Variants in GSG1L observed in about 807,000 individuals in gnomAD.
GSG1L encodes the protein germ cell-specific gene 1-like protein.
GSG1L carries 24 observed loss-of-function variants against 42.1 expected under a neutral mutation model. The observed-to-expected ratio is 0.57, with a 90% confidence interval of 0.41 to 0.80. GSG1L has a LOEUF of 0.80. Among genes scored for constraint, GSG1L ranks in the 30% least tolerant of loss-of-function variants. The pLI, the probability that GSG1L is intolerant of heterozygous loss-of-function variation, is 0.00. For missense variants in GSG1L, 445 were observed against 472.2 expected, an observed-to-expected ratio of 0.94 and a Z score of 0.53; for synonymous variants, 215 against 203.5, an observed-to-expected ratio of 1.06 and a Z score of -0.48.
intron 2 of GSG1L, among the ~76,000 whole-genome samples, chr16:27,938,574 C>T (rs998384919): frequency 6.6e-6 from 1 of 152,094 alleles, no homozygotes; most frequent in African/African-American, 2.4e-5. Flanking sequence ...GGCAGCAGGT[C>T]AGAGTGAACA....
At chr16:28,007,455 A>G (rs1231883116) in intron 1 of GSG1L, among the ~76,000 whole-genome samples, 1 of 151,998 alleles carries the variant, frequency 6.6e-6, no homozygotes, top group Non-Finnish European at 1.5e-5. Context: ...GAACTGTGGG[A>G]GAATAAATGT....
chr16:27,991,913 A>G (rs1043729759), intron 1 of GSG1L, among the ~76,000 whole-genome samples: 2 of 152,250 alleles, frequency 1.3e-5, no homozygotes, highest in Middle Eastern at 3.4e-3. Flanking sequence ...TCTTCTCTCC[A>G]GACCCAGGGA....
intron 2 of GSG1L, among the ~76,000 whole-genome samples, chr16:27,906,652 G>A (rs2084324229): frequency 6.6e-6 from 1 of 152,088 alleles, no homozygotes; most frequent in African/African-American, 2.4e-5. Flanking sequence ...CAGTTCAAAT[G>A]TAAGCTCTTC....
intron 1 of GSG1L, among the ~76,000 whole-genome samples, chr16:27,973,138 T>A (rs1364483538): frequency 6.6e-6 from 1 of 152,074 alleles, no homozygotes; most frequent in African/African-American, 2.4e-5. Context: ...AGAGCTTAGA[T>A]GCAATGCCTG....
rs78578738 is a variant in GSG1L, at chr16:27,987,602, C to G, written c.350-24399G>C. 6.2e-3 allele frequency among the ~76,000 whole-genome samples: 950 copies of G among 152,312 alleles called. 6 individuals are homozygous for G. The highest frequency in any genetic ancestry group is 0.012 in the African/African-American group (502 of 41,556). On this transcript the variant is annotated intron_variant, in intron 1 of 6. Coordinates refer to ENST00000447459, the MANE Select transcript of GSG1L (RefSeq NM_001109763.2). ...CAAGCCCTGCCTTTCATAGCCATCC[C>G]TGGGTGCCACGTGGGTACTTGGGAC...
intron 5 of GSG1L, among the ~76,000 whole-genome samples, chr16:27,826,258 T>A (rs545812562): frequency 6.6e-6 from 1 of 152,228 alleles, no homozygotes; most frequent in South Asian, 2.1e-4. Flanking sequence ...CCTGTTACAG[T>A]CAGGGTACCT....
chr16:27,811,898 G>A (rs1305936812), intron 5 of GSG1L, among the ~76,000 whole-genome samples: 2 of 152,074 alleles, frequency 1.3e-5, no homozygotes, highest in African/African-American at 2.4e-5. Flanking sequence ...TGATCCACCC[G>A]CCTCAGCCTC....
At chr16:27,847,675 G>T (rs953662229) in intron 3 of GSG1L, among the ~76,000 whole-genome samples, 2 of 152,228 alleles carry the variant, frequency 1.3e-5, no homozygotes, top group Non-Finnish European at 2.9e-5. Flanking sequence ...CTGGTGGGAC[G>T]TGACTGGATC....
chr16:27,938,343 A>C (rs1555509365), intron 2 of GSG1L, among the ~76,000 whole-genome samples: 1 of 150,302 alleles, frequency 6.7e-6, no homozygotes, highest in Non-Finnish European at 1.5e-5. Flanking sequence ...AGCCGAGATC[A>C]CACCACTGCA....
chr16:27,912,691 T>G (rs572189168), intron 2 of GSG1L, among the ~76,000 whole-genome samples: 9 of 152,276 alleles, frequency 5.9e-5, no homozygotes, highest in African/African-American at 1.9e-4. Flanking sequence ...AGAGACCAAT[T>G]TGTCCTTACC....
chr16:27,807,644 TC>T lies in GSG1L; in HGVS notation c.831-91del, dbSNP rs560336975. 85 of 1,054,462 alleles carry T rather than the reference TC, an allele frequency of 8.1e-5. No homozygotes were observed. In the South Asian group the frequency reaches 1.1e-3, roughly 14 times the overall value. The allele number at this position is 1,054,462 out of a possible 1,614,324, so 65.3% of individuals were successfully genotyped here. A position where few individuals can be genotyped will look rare whatever the true frequency, so the allele number is the denominator to read the frequency against. The stretch of plus-strand genomic sequence containing the variant: ...CCCAAAACCTGAAAAAGTGCAATCT[TC>T]CCCCCTCTGGAGAATATTTTGCAAA... On this transcript the variant is annotated intron_variant, in intron 5 of 6. Transcript: ENST00000447459.
intron 3 of GSG1L, among the ~76,000 whole-genome samples, chr16:27,866,753 G>A (rs1259424532): frequency 6.6e-6 from 1 of 151,896 alleles, no homozygotes; most frequent in East Asian, 1.9e-4. Context: ...TGTATTTTTA[G>A]TAGAATCAGG....
chr16:27,872,897 T>A (rs2083840076), intron 3 of GSG1L, among the ~76,000 whole-genome samples: 1 of 152,172 alleles, frequency 6.6e-6, no homozygotes, highest in African/African-American at 2.4e-5. Context: ...CCCCTTGGTT[T>A]GCATATAATC....
At chr16:28,054,270 C>T (rs2086254618) in intron 1 of GSG1L, among the ~76,000 whole-genome samples, 1 of 152,212 alleles carries the variant, frequency 6.6e-6, no homozygotes, top group African/African-American at 2.4e-5. Flanking sequence ...CATCACCTCC[C>T]ATCCCCAGTC....
intron 1 of GSG1L, among the ~76,000 whole-genome samples, chr16:28,042,890 C>G (rs893143143): frequency 2.6e-5 from 4 of 152,024 alleles, no homozygotes; most frequent in Admixed American, 2.6e-4. Flanking sequence ...GGAAGGCAGG[C>G]TAGGTGAAGT....
At chr16:28,000,614 T>G (rs1215284414) in intron 1 of GSG1L, among the ~76,000 whole-genome samples, 2 of 152,176 alleles carry the variant, frequency 1.3e-5, no homozygotes, top group Non-Finnish European at 2.9e-5. Flanking sequence ...ATCTATTTTT[T>G]TAAATGAGCA....
intron 2 of GSG1L, among the ~76,000 whole-genome samples, chr16:27,944,752 G>A (rs2084843638): frequency 6.6e-6 from 1 of 151,958 alleles, no homozygotes; most frequent in African/African-American, 2.4e-5. Flanking sequence ...GTTTTTATGT[G>A]CCTATAATTA....
chr16:27,797,582 G>A (rs1389409177), intron 6 of GSG1L, among the ~76,000 whole-genome samples: 1 of 150,950 alleles, frequency 6.6e-6, no homozygotes, highest in African/African-American at 2.4e-5. Context: ...CAGCACTTTG[G>A]GAGGCCGAGG....
chr16:27,929,568 G>A (rs1225832294), intron 2 of GSG1L, among the ~76,000 whole-genome samples: 2 of 152,204 alleles, frequency 1.3e-5, no homozygotes, highest in African/African-American at 4.8e-5. Context: ...AACATCAAAA[G>A]GTGAAAAGAG....
Sources: allele counts gnomAD v4.1 joint callset (sites outside exome capture counted in the v4.1 genomes callset), GRCh38; gene constraint gnomAD v4.1.1; transcripts MANE v1.5; gene names NCBI Gene and HGNC (gene_info 2026-07-23, HGNC 2026-07-21).